The following ARHGEF7 variants were observed in gnomAD, a reference collection of about 807,000 sequenced individuals.
The protein encoded by ARHGEF7 is Rho guanine nucleotide exchange factor 7.
A neutral mutation model predicts 109.8 loss-of-function variants in ARHGEF7; 33 were observed. The ratio of observed to expected loss-of-function variants is 0.30; its 90% CI spans 0.23 to 0.40. The LOEUF is 0.40. ARHGEF7 is among the 10% of genes least tolerant of loss of function. ARHGEF7 has a pLI of 1.00. For synonymous variants in ARHGEF7, 458 were observed against 424.6 expected (o/e 1.08, Z -0.97); for missense variants, 938 against 1,098.5 (o/e 0.85, Z 2.07).
chr13:111,250,097 GTTTTTCA>G (rs749145985), intron 8 of ARHGEF7, among the ~76,000 whole-genome samples: 1 of 152,186 alleles, frequency 6.6e-6, no homozygotes, highest in Non-Finnish European at 1.5e-5. Context: ...TTTCCTTTTA[GTTTTTCA>G]AATCACAGTT....
In ARHGEF7 at chr13:111,140,990, T is replaced by C. The variant is rs558315935; in HGVS notation, c.166-12915T>C. ...TAGGCATGAACTACCACACCCAGCC[T>C]GGACCTTATTTTTTAGAGCAGTTTT... On this transcript the variant is annotated intron_variant, in intron 1 of 21. Coordinates refer to ENST00000646102, the MANE Select transcript of ARHGEF7 (RefSeq NM_001354046.2). 1.3e-4 allele frequency among the ~76,000 whole-genome samples: 20 copies of C among 152,288 alleles called. No individual in the cohort carries two copies. In the East Asian group the frequency reaches 3.5e-3, roughly 26 times the overall value.
intron 8 of ARHGEF7, among the ~76,000 whole-genome samples, chr13:111,261,171 G>A (rs1180544687): frequency 6.6e-6 from 1 of 151,996 alleles, no homozygotes; most frequent in African/African-American, 2.4e-5. Flanking sequence ...ACTAAACTCT[G>A]CAATCAAGAG....
intron 5 of ARHGEF7, among the ~76,000 whole-genome samples, chr13:111,221,899 C>T (rs2084471720): frequency 6.6e-6 from 1 of 151,940 alleles, no homozygotes; most frequent in East Asian, 1.9e-4. Flanking sequence ...CAAGGAGAGC[C>T]AGTCCGAGTC....
intron 2 of ARHGEF7, among the ~76,000 whole-genome samples, chr13:111,169,885 A>G (rs2077440101): frequency 2.0e-5 from 3 of 152,290 alleles, no homozygotes; most frequent in Non-Finnish European, 4.4e-5. Context: ...AAGCAAAGGA[A>G]TGAGCGTGTG....
chr13:111,259,052 A>G (rs1204621916), intron 8 of ARHGEF7, among the ~76,000 whole-genome samples: 1 of 152,176 alleles, frequency 6.6e-6, no homozygotes, highest in African/African-American at 2.4e-5. Context: ...CACAAGAAAT[A>G]TTCAACTGCA....
chr13:111,297,408 C>T (rs976441812), intron 19 of ARHGEF7, among the ~76,000 whole-genome samples: 9 of 152,208 alleles, frequency 5.9e-5, no homozygotes, highest in African/African-American at 1.7e-4. Context: ...AAATCCTTCT[C>T]GCATGCTTTA....
intron 1 of ARHGEF7, among the ~76,000 whole-genome samples, chr13:111,118,896 G>A (rs949365801): frequency 1.3e-5 from 2 of 152,204 alleles, no homozygotes; most frequent in Non-Finnish European, 2.9e-5. Context: ...TGTAATCCAT[G>A]TGATGTGCTC....
chr13:111,217,560 A>G lies in ARHGEF7; in HGVS notation c.469-119A>G, dbSNP rs2083289281. Reference sequence around the variant, plus strand: ...GAAGGGAGGAAACTGAAATTTCTCTAAATGTATTTCTACTGTTGGGCAATT... The same window carrying G: ...GAAGGGAGGAAACTGAAATTTCTCTGAATGTATTTCTACTGTTGGGCAATT... On this transcript the variant is annotated intron_variant, in intron 4 of 21. Transcript: ENST00000646102. The G allele has an allele frequency of 1.3e-5, 13 of 969,186 alleles. 1 individual carries two copies. The South Asian group carries it at 2.1e-4, about 16-fold the overall frequency. The allele number at this position is 969,186 out of a possible 1,614,324, so 60.0% of individuals were successfully genotyped here.
At chr13:111,207,950 C>T (rs116331016) in intron 3 of ARHGEF7, among the ~76,000 whole-genome samples, 2 of 152,198 alleles carry the variant, frequency 1.3e-5, no homozygotes, top group African/African-American at 2.4e-5. Context: ...AGCTTTTAAA[C>T]TATAGGAATG....
At chr13:111,299,337 A>ATTTTTTTT (rs936360326) in intron 19 of ARHGEF7, among the ~76,000 whole-genome samples, 2 of 106,108 alleles carry the variant, frequency 1.9e-5, no homozygotes, top group Non-Finnish European at 3.7e-5. Context: ...GAAGCCATTC[A>ATTTTTTTT]TTTTTTTTTT....
chr13:111,183,072 G>C lies in ARHGEF7; in HGVS notation c.253-22217G>C, dbSNP rs116227073. ...TCACGATGTTTTTCAGTTTACAGTG[G>C]GTTTAACAGGATGTACCCCATTGTG... On this transcript the variant is annotated intron_variant, in intron 2 of 21. Coordinates refer to ENST00000646102, the MANE Select transcript of ARHGEF7 (RefSeq NM_001354046.2). Among the ~76,000 whole-genome samples the C allele has an allele frequency of 1.2e-3, 185 of 152,222 alleles. 1 individual carries two copies. Among genetic ancestry groups the C allele is most frequent in the African/African-American group, 4.3e-3 (179 of 41,508 alleles).
chr13:111,194,109 G>A (rs565735943), intron 2 of ARHGEF7, among the ~76,000 whole-genome samples: 22 of 152,328 alleles, frequency 1.4e-4, no homozygotes, highest in African/African-American at 5.1e-4. Context: ...CCCTTAAACA[G>A]TGAGGCCAGC....
At chr13:111,132,667 AG>A (rs1289219286) in intron 1 of ARHGEF7, among the ~76,000 whole-genome samples, 1 of 152,214 alleles carries the variant, frequency 6.6e-6, no homozygotes, top group Non-Finnish European at 1.5e-5. Flanking sequence ...AAGCAAATCC[AG>A]GGGTGCTCAT....
chr13:111,275,631 A>G lies in ARHGEF7; in HGVS notation c.1372A>G (p.Asn458Asp). The G allele has an allele frequency of 1.2e-6, 2 of 1,614,190 alleles. No individual in the cohort carries two copies. The highest frequency in any genetic ancestry group is 1.3e-5 in the African/African-American group (1 of 75,042). ...GGGCGATGACATTAAAACTCTGGGC[A>G]ACGTCACTTACATGTCCCAGGTCCT... ...WEGDDIKTLG[N>D]VTYMSQVLIQ... Residue 458 changes from asparagine (N) to aspartate (D), a missense_variant, in exon 12 of 22, where the codon AAC becomes GAC. By Grantham distance (23) the Asn-to-Asp change is conservative. Around this residue, in one of 4 missense-constraint regions of ARHGEF7, gnomAD observed 585 missense variants for 723.6 expected, o/e 0.81. Coordinates refer to ENST00000646102, the MANE Select transcript of ARHGEF7 (RefSeq NM_001354046.2).
intron 5 of ARHGEF7, among the ~76,000 whole-genome samples, chr13:111,219,325 T>C (rs988532248): frequency 5.3e-5 from 8 of 152,372 alleles, no homozygotes; most frequent in African/African-American, 1.9e-4. Flanking sequence ...CTGTAGCATA[T>C]GACAGAGTTA....
intron 2 of ARHGEF7, among the ~76,000 whole-genome samples, chr13:111,204,768 G>T (rs2081583563): frequency 6.6e-6 from 1 of 152,148 alleles, no homozygotes; most frequent in African/African-American, 2.4e-5. Flanking sequence ...TCCTATCTGG[G>T]ATCTGCTTCT....
intron 2 of ARHGEF7, among the ~76,000 whole-genome samples, chr13:111,191,616 A>G (rs575499114): frequency 5.9e-5 from 9 of 152,184 alleles, no homozygotes; most frequent in African/African-American, 2.2e-4. Context: ...TACAAAGCCA[A>G]CAGTCATTTG....
At chr13:111,165,838 C>G (rs577675534) in intron 2 of ARHGEF7, among the ~76,000 whole-genome samples, 5 of 152,218 alleles carry the variant, frequency 3.3e-5, no homozygotes, top group African/African-American at 1.2e-4. Flanking sequence ...TCATGAGACT[C>G]AAATGGAAAT....
rs372197921 is a variant in ARHGEF7 at position 111,243,937 on chromosome 13, G to C, written c.825G>C (p.Thr275=). 1 of 1,613,350 alleles carries C rather than the reference G, an allele frequency of 6.2e-7. No homozygotes were observed. Among genetic ancestry groups the C allele is most frequent in the Non-Finnish European group, 8.5e-7 (1 of 1,179,438 alleles). The change falls in exon 7 of 22, where the codon ACG becomes ACC. Residue 275 remains threonine, a synonymous_variant. Transcript: ENST00000646102. ...YSKELQTVLS[T]YLRPLQTSEK... ...AAGAACTTCAGACTGTGCTTTCAAC[G>C]TACCTACGGCCATTGCAGACCAGTG...
Sources: gnomAD v4.1 joint callset for allele counts (sites outside exome capture counted in the v4.1 genomes callset) on GRCh38, gnomAD v4.1.1 for gene constraint, gnomAD v4.1.1 regional missense constraint, MANE v1.5 for transcripts, NCBI Gene and HGNC (gene_info 2026-07-23, HGNC 2026-07-21) for gene names.